Variants in TSPAN2 observed in about 807,000 individuals in gnomAD.
TSPAN2 encodes the protein tetraspanin 2.
Under a neutral mutation model 33.3 loss-of-function variants are expected in TSPAN2, and 24 were observed. The observed-to-expected ratio is 0.72, with a 90% CI of 0.52 to 1.01. The LOEUF is 1.01. Ranked by LOEUF, TSPAN2 falls within the 50% of genes least tolerant of loss-of-function variation. The probability of loss-of-function intolerance (pLI) is 0.00; values close to 1 mark genes in which losing one functional copy is unlikely to be tolerated. For missense variants in TSPAN2, 278 were observed against 281.3 expected (o/e 0.99, Z 0.08); for synonymous variants, 114 against 104.5 (o/e 1.09, Z -0.56).
chr1:115,082,424 T>G (rs990172896), intron 1 of TSPAN2, among the ~76,000 whole-genome samples: 1 of 152,220 alleles, frequency 6.6e-6, no homozygotes, highest in African/African-American at 2.4e-5. Context: ...TTCTCATATG[T>G]AAACTGGGGA....
chr1:115,055,795 T>C (rs939097956), intron 6 of TSPAN2, among the ~76,000 whole-genome samples: 1 of 152,216 alleles, frequency 6.6e-6, no homozygotes, highest in African/African-American at 2.4e-5. Context: ...GTGCTAGGAT[T>C]ACAGGTGAAA....
intron 3 of TSPAN2, among the ~76,000 whole-genome samples, chr1:115,061,362 T>C (rs1647711099): frequency 6.6e-6 from 1 of 152,248 alleles, no homozygotes; most frequent in South Asian, 2.1e-4. Context: ...TGACATAGAA[T>C]GTATAGCAGT....
At chr1:115,070,130 GC>G (rs1293974054) in intron 2 of TSPAN2, among the ~76,000 whole-genome samples, 1 of 152,206 alleles carries the variant, frequency 6.6e-6, no homozygotes, top group African/African-American at 2.4e-5. Flanking sequence ...TGGAGCGGGG[GC>G]CCCTTACTTA....
chr1:115,072,433 T>C (rs1462633744), intron 2 of TSPAN2, among the ~76,000 whole-genome samples: 1 of 152,180 alleles, frequency 6.6e-6, no homozygotes, highest in African/African-American at 2.4e-5. Context: ...TGTTTTTTCC[T>C]AGACAATTTA....
intron 2 of TSPAN2, among the ~76,000 whole-genome samples, chr1:115,064,326 T>A (rs1256888899): frequency 2.0e-5 from 3 of 152,196 alleles, no homozygotes; most frequent in Non-Finnish European, 2.9e-5. Context: ...TCATGGAATG[T>A]CTCCTGGTGG....
chr1:115,082,243 G>A (rs1039628117), intron 1 of TSPAN2, among the ~76,000 whole-genome samples: 3 of 152,154 alleles, frequency 2.0e-5, no homozygotes, highest in Non-Finnish European at 4.4e-5. Flanking sequence ...CATAGTCGCC[G>A]CATTGGACAG....
intron 1 of TSPAN2, among the ~76,000 whole-genome samples, chr1:115,075,577 A>C (rs939875369): frequency 7.2e-5 from 11 of 152,214 alleles, no homozygotes; most frequent in African/African-American, 2.7e-4. Context: ...AATTGCTTGA[A>C]AAAAATTCAC....
At position 115,048,018 on chromosome 1, in the gene TSPAN2, A is replaced by G. The variant is rs953615483; in HGVS notation, c.*2472T>C. ...GATAAATCAAACAAGCAATTTCAGT[A>G]TATAGAAAATTTAATATGAAATCAC... is the stretch of plus-strand genomic sequence containing the variant. On this transcript the variant is annotated 3_prime_UTR_variant, in exon 8 of 8. Coordinates refer to ENST00000369516, the MANE Select transcript of TSPAN2 (RefSeq NM_005725.6). 3 of 152,030 alleles carry G rather than the reference A, an allele frequency of 2.0e-5. No individual in the cohort carries two copies. The highest frequency in any genetic ancestry group is 4.4e-5 in the Non-Finnish European group (3 of 67,924). 9.4% of individuals were successfully genotyped at this position (152,030 alleles called of 1,614,324 possible).
At chr1:115,077,880 A>C (rs966544312) in intron 1 of TSPAN2, among the ~76,000 whole-genome samples, 1 of 152,248 alleles carries the variant, frequency 6.6e-6, no homozygotes, top group African/African-American at 2.4e-5. Flanking sequence ...TGGCCTCCCC[A>C]GTCTGCCCAG....
At position 115,048,827 on chromosome 1, in the gene TSPAN2, TA is replaced by T. The variant is rs1455111838; in HGVS notation, c.*1662del. 6.6e-6 allele frequency: 1 copy of T among 152,178 alleles called. No homozygotes were observed. Among genetic ancestry groups the T allele is most frequent in the Non-Finnish European group, 1.5e-5 (1 of 67,980 alleles). 9.4% of individuals were successfully genotyped at this position (152,178 alleles called of 1,614,324 possible). A position where few individuals can be genotyped will look rare whatever the true frequency, so the allele number is the denominator to read the frequency against. On this transcript the variant is annotated 3_prime_UTR_variant, in exon 8 of 8. Transcript: ENST00000369516. ...AAGTAGCCATGTATAATTAAGTTTTTAGCTTGCCTCAAATATGACCTTTGTT... is the reference window on the plus strand; with the variant it reads ...AAGTAGCCATGTATAATTAAGTTTTTGCTTGCCTCAAATATGACCTTTGTT...
chr1:115,049,954 A>G lies in TSPAN2; in HGVS notation c.*536T>C, dbSNP rs2101018025. The G allele has an allele frequency of 6.3e-6, 1 of 157,706 alleles. No individual in the cohort carries two copies. The highest frequency in any genetic ancestry group is 1.9e-4 in the East Asian group (1 of 5,246). 9.8% of individuals were successfully genotyped at this position (157,706 alleles called of 1,614,324 possible). ...ACTGTATTCTGGGGAGAGCATGTATATAAAAAAACCCAGGAAACCCTTACA... is the reference window on the plus strand; with the variant it reads ...ACTGTATTCTGGGGAGAGCATGTATGTAAAAAAACCCAGGAAACCCTTACA... On this transcript the variant is annotated 3_prime_UTR_variant, in exon 8 of 8. Transcript: ENST00000369516.
rs1449680358 is a variant in TSPAN2 at position 115,050,459 on chromosome 1, T to C, written c.*31A>G. The C allele has an allele frequency of 2.5e-6, 4 of 1,602,964 alleles. No homozygotes were observed. Among genetic ancestry groups the C allele is most frequent in the Non-Finnish European group, 3.4e-6 (4 of 1,169,858 alleles). ...CTCCTGTGACATTTGGTATGAAAGC[T>C]TTAGATTGCAATTTTCATGTAGAAG... is the stretch of plus-strand genomic sequence containing the variant. On this transcript the variant is annotated 3_prime_UTR_variant, in exon 8 of 8. Coordinates refer to ENST00000369516, the MANE Select transcript of TSPAN2 (RefSeq NM_005725.6).
In TSPAN2 at chr1:115,069,021, T is replaced by G. The variant is rs149068478; in HGVS notation, c.172+3884A>C. ...AGGTGTTTATCCACAGCCTGTAGTT[T>G]CCTTATTCTGCGTGGTGCTAAGTTT... On this transcript the variant is annotated intron_variant, in intron 2 of 7. Transcript: ENST00000369516. 4.5e-4 allele frequency among the ~76,000 whole-genome samples: 69 copies of G among 152,314 alleles called. 1 individual carries two copies. The East Asian group carries it at 0.013, about 28-fold the overall frequency.
At chr1:115,088,403 G>A (rs945973306) in intron 1 of TSPAN2, among the ~76,000 whole-genome samples, 2 of 152,158 alleles carry the variant, frequency 1.3e-5, no homozygotes, top group Non-Finnish European at 2.9e-5. Flanking sequence ...GGGTCTAGCT[G>A]AGCAGTTACA....
chr1:115,070,787 A>G (rs1047056773), intron 2 of TSPAN2, among the ~76,000 whole-genome samples: 5 of 152,026 alleles, frequency 3.3e-5, no homozygotes. Flanking sequence ...TGCAAATACC[A>G]CTTAGCTGGC....
rs186650236 is a variant in TSPAN2 at position 115,055,194 on chromosome 1, C to T, written c.517-1732G>A. ...CAAACAAAACAACACTCGAGACTGT[C>T]CTCCTCTAGTTCTGCCATTAGGCCC... On this transcript the variant is annotated intron_variant, in intron 6 of 7. Coordinates refer to ENST00000369516, the MANE Select transcript of TSPAN2 (RefSeq NM_005725.6). Among the ~76,000 whole-genome samples, 9 of 152,290 alleles carry T rather than the reference C, an allele frequency of 5.9e-5. No individual in the cohort carries two copies. The East Asian group carries it at 1.7e-3, about 29-fold the overall frequency.
intron 5 of TSPAN2, 55 bp from the exon 6 acceptor site, chr1:115,057,663 G>T (rs888797785): frequency 4.1e-5 from 64 of 1,562,308 alleles, no homozygotes; most frequent in Non-Finnish European, 4.9e-5. Flanking sequence ...GCAGCTACAA[G>T]TCTGGGCACC....
At chr1:115,071,922 T>C (rs911812460) in intron 2 of TSPAN2, among the ~76,000 whole-genome samples, 1 of 152,196 alleles carries the variant, frequency 6.6e-6, no homozygotes, top group Non-Finnish European at 1.5e-5. Flanking sequence ...GAGACTCTAC[T>C]CTTCTTGTGA....
At chr1:115,062,268 C>G in intron 2 of TSPAN2, 36 bp from the exon 3 acceptor site, 1 of 1,529,900 alleles carries the variant, frequency 6.5e-7, no homozygotes, top group African/African-American at 1.4e-5. Flanking sequence ...CACTGAGAGC[C>G]AACCGAGTGC....
Sources: gnomAD v4.1 joint callset for allele counts (sites outside exome capture counted in the v4.1 genomes callset) on GRCh38, gnomAD v4.1.1 for gene constraint, MANE v1.5 for transcripts, NCBI Gene and HGNC (gene_info 2026-07-23, HGNC 2026-07-21) for gene names.